MCPH1: variants seen among roughly 807,000 people sequenced by gnomAD.
The protein encoded by MCPH1 is microcephalin 1.
In MCPH1, 104 loss-of-function variants were observed where a neutral mutation model predicts 84.5. That is an observed-to-expected ratio of 1.23 (90% confidence interval 1.05 to 1.45). MCPH1 has a LOEUF of 1.45. MCPH1 is among the 40% of genes most tolerant of loss of function. The pLI is 0.00. For synonymous variants in MCPH1, 514 were observed against 366.8 expected (o/e 1.40, Z -4.58); for missense variants, 1,498 against 1,005.7 (o/e 1.49, Z -6.62).
At chr8:6,455,356 A>C in intron 9 of MCPH1, 104 bp downstream of exon 9, 1 of 841,334 alleles carries the variant, frequency 1.2e-6, no homozygotes, top group East Asian at 2.6e-5. Context: ...CTTGTCTTTT[A>C]TTCTAAAAAA....
In MCPH1 at chr8:6,444,633, G is replaced by A. The variant is rs2083914; in HGVS notation, c.911G>A (p.Arg304Lys). 2 of 1,613,840 alleles carry A rather than the reference G, an allele frequency of 1.2e-6. No homozygotes were observed. Among genetic ancestry groups the A allele is most frequent in the Admixed American group, 3.3e-5 (2 of 60,024 alleles). The change falls in exon 8 of 14, where the codon AGA becomes AAA. Residue 304 changes from arginine to lysine, a missense_variant. Arg to Lys is a conservative substitution (Grantham distance 26). Coordinates refer to ENST00000344683, the MANE Select transcript of MCPH1 (RefSeq NM_024596.5). ...TCAAAGGAAGAAATAAACTTGCAAA[G>A]AAATATTGCAGGTAAAGTAGTCACC... The part of the protein sequence containing the change: ...NLSKEEINLQ[R>K]NIAGKVVTPD...
intron 12 of MCPH1, among the ~76,000 whole-genome samples, chr8:6,567,661 G>C (rs1449715807): frequency 6.6e-6 from 1 of 152,130 alleles, no homozygotes; most frequent in Non-Finnish European, 1.5e-5. Context: ...CCAATGGGAG[G>C]CCCTTGAAGG....
intron 13 of MCPH1, chr8:6,622,344 C>T (rs2129580880): frequency 6.4e-6 from 1 of 156,592 alleles, no homozygotes; most frequent in South Asian, 2.0e-4. Context: ...AACACACGGG[C>T]TCCAGGAGAC....
rs114565071 is a variant in MCPH1, at chr8:6,456,634, A to G, written c.1935+1382A>G. Among the ~76,000 whole-genome samples the G allele has an allele frequency of 3.3e-3, 473 of 144,330 alleles. 4 individuals are homozygous for G. Among genetic ancestry groups the G allele is most frequent in the African/African-American group, 0.012 (450 of 38,484 alleles). 94.7% of individuals were successfully genotyped at this position (144,330 alleles called of 152,430 possible). On this transcript the variant is annotated intron_variant, in intron 9 of 13. Coordinates refer to ENST00000344683, the MANE Select transcript of MCPH1 (RefSeq NM_024596.5). ...CGTGGTACCTCTCATCTCTATTGGT[A>G]CTCTACGTTGTACCATGTCTGGCTT... is the stretch of plus-strand genomic sequence containing the variant.
chr8:6,445,849 T>G, intron 8 of MCPH1: 11 of 1,098,872 alleles, frequency 1.0e-5, no homozygotes, highest in Non-Finnish European at 1.2e-5. Flanking sequence ...GAGTGAAGTC[T>G]TTTTCCTTAT....
chr8:6,613,159 A>G (rs780632182), intron 12 of MCPH1, among the ~76,000 whole-genome samples: 70 of 152,234 alleles, frequency 4.6e-4, no homozygotes, highest in Non-Finnish European at 6.0e-4. Flanking sequence ...GAAGCAGGAG[A>G]CATCTCTGTT....
intron 12 of MCPH1, among the ~76,000 whole-genome samples, chr8:6,506,972 A>T (rs1356925287): frequency 6.6e-6 from 1 of 151,456 alleles, no homozygotes; most frequent in Non-Finnish European, 1.5e-5. Flanking sequence ...ATCTCGGCTC[A>T]TTGCAAACTC....
At position 6,552,864 on chromosome 8, in the gene MCPH1, G is replaced by A. The variant is rs1015783354; in HGVS notation, c.2214+52935G>A. 3.3e-5 allele frequency among the ~76,000 whole-genome samples: 5 copies of A among 151,930 alleles called. 1 individual carries two copies. The East Asian group carries it at 7.7e-4, about 23-fold the overall frequency. On this transcript the variant is annotated intron_variant, in intron 12 of 13. Coordinates refer to ENST00000344683, the MANE Select transcript of MCPH1 (RefSeq NM_024596.5). ...TAAGTGAAAGAAGCCAGTCCGAAAA[G>A]GCTGTATATTTTATGATTCCAACTG...
At chr8:6,581,023 C>T (rs1353603672) in intron 12 of MCPH1, among the ~76,000 whole-genome samples, 1 of 152,130 alleles carries the variant, frequency 6.6e-6, no homozygotes, top group Non-Finnish European at 1.5e-5. Context: ...ATTTACATAG[C>T]ATTTACATTG....
intron 9 of MCPH1, among the ~76,000 whole-genome samples, chr8:6,456,323 C>T (rs1192626266): frequency 5.9e-5 from 9 of 152,162 alleles, no homozygotes; most frequent in South Asian, 4.1e-4. Flanking sequence ...CTGCAGCCTG[C>T]GGGACCTGCT....
At chr8:6,590,845 C>G (rs117657617) in intron 12 of MCPH1, among the ~76,000 whole-genome samples, 1 of 152,156 alleles carries the variant, frequency 6.6e-6, no homozygotes, top group Non-Finnish European at 1.5e-5. Flanking sequence ...GCTTCAGACT[C>G]GGGCCTTTGG....
In MCPH1 at chr8:6,459,856, G is replaced by T. The variant is rs139096106; in HGVS notation, c.1935+4604G>T. On this transcript the variant is annotated intron_variant, in intron 9 of 13. Transcript: ENST00000344683. ...CTGAGTAATGTGAAGGTGCCAGGTA[G>T]AAGGTACAAAGGCAAGAAAGGTGGG... 1.2e-3 allele frequency among the ~76,000 whole-genome samples: 185 copies of T among 152,356 alleles called. 3 individuals are homozygous for T. In the East Asian group the frequency reaches 0.03, roughly 25 times the overall value.
At chr8:6,434,488 G>A (rs1379567264) in intron 4 of MCPH1, among the ~76,000 whole-genome samples, 4 of 152,132 alleles carry the variant, frequency 2.6e-5, no homozygotes, top group Non-Finnish European at 4.4e-5. Context: ...GTGCAGGCCG[G>A]TTCCAAGCCT....
At chr8:6,455,444 T>C (rs1050156772) in intron 9 of MCPH1, among the ~76,000 whole-genome samples, 192 bp downstream of exon 9, 5 of 152,244 alleles carry the variant, frequency 3.3e-5, no homozygotes, top group African/African-American at 1.2e-4. Context: ...AGAGTTATTA[T>C]TGATAGAGCA....
At chr8:6,594,282 G>A (rs1328936392) in intron 12 of MCPH1, among the ~76,000 whole-genome samples, 3 of 152,214 alleles carry the variant, frequency 2.0e-5, no homozygotes, top group South Asian at 4.1e-4. Flanking sequence ...TCAGCAGAGC[G>A]CCATGAGCCG....
rs529192529 is a variant in MCPH1, at chr8:6,595,867, C to T, written c.2215-25587C>T. Reference sequence around the variant, plus strand: ...GCAGGCAACGGCCCTTTACAGATGACGAAGCATCAGAAAAGTTAGGGTGCA... The same window carrying T: ...GCAGGCAACGGCCCTTTACAGATGATGAAGCATCAGAAAAGTTAGGGTGCA... On this transcript the variant is annotated intron_variant, in intron 12 of 13. Transcript: ENST00000344683. 8.0e-4 allele frequency among the ~76,000 whole-genome samples: 121 copies of T among 152,188 alleles called. 1 individual carries two copies. The South Asian group carries it at 0.015, about 19-fold the overall frequency.
chr8:6,625,775 C>A, intron 13 of MCPH1: 2 of 981,204 alleles, frequency 2.0e-6, no homozygotes, highest in South Asian at 4.7e-5. Flanking sequence ...CAGAGCAAGA[C>A]CCCATCTCTA....
chr8:6,491,331 C>G (rs1284361786), intron 11 of MCPH1, among the ~76,000 whole-genome samples: 1 of 150,406 alleles, frequency 6.6e-6, no homozygotes. Context: ...GAGAATACAC[C>G]TACCACTTAC....
intron 9 of MCPH1, among the ~76,000 whole-genome samples, chr8:6,472,572 T>C (rs1317628876): frequency 6.6e-6 from 1 of 152,078 alleles, no homozygotes; most frequent in Non-Finnish European, 1.5e-5. Context: ...TTTCAAGCCA[T>C]TCTCCTGCCC....
Sources: allele counts gnomAD v4.1 joint callset (sites outside exome capture counted in the v4.1 genomes callset), GRCh38; gene constraint gnomAD v4.1.1; transcripts MANE v1.5; gene names NCBI Gene and HGNC (gene_info 2026-07-23, HGNC 2026-07-21).